The following LARS2 variants were observed in gnomAD, a reference collection of about 807,000 sequenced individuals.
LARS2 encodes the protein leucyl-tRNA synthetase 2, mitochondrial.
LARS2 carries 81 observed loss-of-function variants against 116.6 expected under a neutral mutation model. The observed-to-expected ratio is 0.69, with a 90% CI of 0.58 to 0.84. LARS2 has a LOEUF of 0.84. Ranked by LOEUF, LARS2 falls within the 40% of genes least tolerant of loss-of-function variation. The pLI, the probability that LARS2 is intolerant of heterozygous loss-of-function variation, is 0.00. For missense variants in LARS2, 968 were observed against 1,114.5 expected, an observed-to-expected ratio of 0.87 and a Z score of 1.87; for synonymous variants, 396 against 407.2, an observed-to-expected ratio of 0.97 and a Z score of 0.33.
At chr3:45,402,512 A>G (rs1006528163) in intron 4 of LARS2, among the ~76,000 whole-genome samples, 3 of 152,212 alleles carry the variant, frequency 2.0e-5, no homozygotes, top group Non-Finnish European at 4.4e-5. Context: ...CAGGGCCTAT[A>G]CAAATGATAT....
At chr3:45,518,639 A>G (rs1700407714) in intron 18 of LARS2, among the ~76,000 whole-genome samples, 1 of 152,184 alleles carries the variant, frequency 6.6e-6, no homozygotes, top group Non-Finnish European at 1.5e-5. Flanking sequence ...ACTTTGTTAC[A>G]CAATATCCAT....
intron 4 of LARS2, among the ~76,000 whole-genome samples, chr3:45,404,749 C>T (rs113966050): frequency 0.031 from 4,669 of 152,248 alleles, 101 homozygotes; most frequent in Non-Finnish European, 0.047. Context: ...GTACACGCCA[C>T]CACACCCGGC....
At chr3:45,418,627 T>G (rs1257859841) in intron 5 of LARS2, among the ~76,000 whole-genome samples, 1 of 152,226 alleles carries the variant, frequency 6.6e-6, no homozygotes, top group Non-Finnish European at 1.5e-5. Flanking sequence ...TCCATTTGTT[T>G]ACATATTGTC....
At chr3:45,523,300 A>T (rs1700481575) in intron 19 of LARS2, among the ~76,000 whole-genome samples, 1 of 152,162 alleles carries the variant, frequency 6.6e-6, no homozygotes, top group Non-Finnish European at 1.5e-5. Flanking sequence ...TAGGTGTTTC[A>T]CAGTTTAACA....
At chr3:45,456,720 A>G (rs1699218614) in intron 7 of LARS2, among the ~76,000 whole-genome samples, 1 of 152,202 alleles carries the variant, frequency 6.6e-6, no homozygotes, top group African/African-American at 2.4e-5. Flanking sequence ...TTTTGTCTCT[A>G]TGTGCTTATT....
intron 6 of LARS2, among the ~76,000 whole-genome samples, chr3:45,445,846 A>C (rs1171520792): frequency 1.3e-5 from 2 of 152,224 alleles, no homozygotes; most frequent in African/African-American, 4.8e-5. Context: ...TCCGGGTTTG[A>C]AGCTGTCTCA....
chr3:45,475,148 T>A (rs1194116158), intron 9 of LARS2, among the ~76,000 whole-genome samples: 1 of 152,198 alleles, frequency 6.6e-6, no homozygotes, highest in East Asian at 1.9e-4. Context: ...CTGCCCTCAC[T>A]TTCGTCCCCG....
chr3:45,414,415 A>G (rs1185588844), intron 4 of LARS2, among the ~76,000 whole-genome samples: 1 of 152,194 alleles, frequency 6.6e-6, no homozygotes, highest in Non-Finnish European at 1.5e-5. Flanking sequence ...TATGGTGAAT[A>G]TGTAATTATG....
intron 10 of LARS2, among the ~76,000 whole-genome samples, chr3:45,482,536 G>A (rs926697941): frequency 2.0e-5 from 3 of 152,084 alleles, no homozygotes; most frequent in Non-Finnish European, 2.9e-5. Context: ...TTGCTAAAAC[G>A]TTTTGCTAAC....
At chr3:45,504,746 G>A (rs78513811) in intron 15 of LARS2, among the ~76,000 whole-genome samples, 16,259 of 151,290 alleles carry the variant, frequency 0.11, 1,191 homozygotes, top group Middle Eastern at 0.18. Flanking sequence ...CACATTTTTA[G>A]TGTTTTTTTT....
intron 4 of LARS2, among the ~76,000 whole-genome samples, chr3:45,408,998 G>T (rs1698281742): frequency 6.6e-6 from 1 of 152,098 alleles, no homozygotes; most frequent in South Asian, 2.1e-4. Flanking sequence ...CACCCTCTGT[G>T]ATGTCACATT....
intron 6 of LARS2, among the ~76,000 whole-genome samples, chr3:45,439,966 G>T (rs550130735): frequency 3.9e-5 from 6 of 152,342 alleles, no homozygotes; most frequent in African/African-American, 1.4e-4. Context: ...AATTCCTAGA[G>T]GTGGGGCCTA....
intron 15 of LARS2, among the ~76,000 whole-genome samples, chr3:45,504,096 A>G (rs1213724987): frequency 2.0e-5 from 3 of 152,042 alleles, no homozygotes; most frequent in Admixed American, 2.0e-4. Context: ...TAATGTAGGC[A>G]TAGTATTCCC....
intron 20 of LARS2, among the ~76,000 whole-genome samples, chr3:45,531,601 C>A (rs747467205): frequency 2.0e-5 from 3 of 151,926 alleles, no homozygotes; most frequent in Non-Finnish European, 2.9e-5. Context: ...CCAGGCTAGT[C>A]CTGAGCTCCT....
intron 9 of LARS2, 103 bp from the exon 10 acceptor site, chr3:45,476,365 C>A: frequency 8.1e-7 from 1 of 1,236,912 alleles, no homozygotes; most frequent in Non-Finnish European, 1.2e-6. Flanking sequence ...GCTGTGGTCA[C>A]TGTTGGGGAA....
At chr3:45,444,470 C>T (rs1409529648) in intron 6 of LARS2, among the ~76,000 whole-genome samples, 10 of 11,308 alleles carry the variant, frequency 8.8e-4, no homozygotes, top group South Asian at 9.2e-3. Flanking sequence ...GAGACCATCC[C>T]GGCTAAAACG....
intron 4 of LARS2, among the ~76,000 whole-genome samples, chr3:45,402,505 G>C (rs1380840801): frequency 1.3e-5 from 2 of 151,998 alleles, no homozygotes; most frequent in African/African-American, 4.8e-5. Flanking sequence ...AACCTGTCAG[G>C]GCCTATACAA....
chr3:45,427,811 T>A (rs558879723), intron 6 of LARS2, among the ~76,000 whole-genome samples: 1 of 144,574 alleles, frequency 6.9e-6, no homozygotes, highest in African/African-American at 2.6e-5. Flanking sequence ...TACTGCCTTG[T>A]TTTCCTTTTT....
chr3:45,521,764 GT>G (rs545807929), intron 19 of LARS2, among the ~76,000 whole-genome samples: 4 of 151,982 alleles, frequency 2.6e-5, no homozygotes, highest in Non-Finnish European at 4.4e-5. Flanking sequence ...TTTTGTTTTT[GT>G]TTTTGTTTTT....
Sources: allele counts gnomAD v4.1 joint callset (sites outside exome capture counted in the v4.1 genomes callset), GRCh38; gene constraint gnomAD v4.1.1; transcripts MANE v1.5; gene names NCBI Gene and HGNC (gene_info 2026-07-23, HGNC 2026-07-21).